ZBTB20: variants seen among roughly 807,000 people sequenced by gnomAD.
ZBTB20 encodes the protein zinc finger and BTB domain-containing protein 20.
ZBTB20 carries 9 observed loss-of-function variants against 56.9 expected under a neutral mutation model. The observed-to-expected ratio is 0.16, with a 90% confidence interval of 0.10 to 0.28. The LOEUF (loss-of-function observed/expected upper bound fraction) is 0.28, where lower values mean the gene tolerates loss of function less well. Among genes scored for constraint, ZBTB20 ranks in the 10% least tolerant of loss-of-function variants. ZBTB20 has a pLI of 1.00. For missense variants in ZBTB20, 655 were observed against 1,003.0 expected (o/e 0.65, Z 4.69); for synonymous variants, 417 against 420.7 (o/e 0.99, Z 0.11).
chr3:115,045,595 A>G (rs1216333649), intron 2 of ZBTB20, among the ~76,000 whole-genome samples: 1 of 152,086 alleles, frequency 6.6e-6, no homozygotes, highest in East Asian at 1.9e-4. Context: ...AAATGCAATC[A>G]ATCCAGTCAA....
intron 6 of ZBTB20, among the ~76,000 whole-genome samples, chr3:114,525,934 T>A (rs1310914462): frequency 2.6e-5 from 4 of 152,230 alleles, no homozygotes; most frequent in Non-Finnish European, 5.9e-5. Flanking sequence ...GCACTGCAAT[T>A]CCCACAGCTA....
At chr3:114,489,088 G>C (rs2042452459) in intron 7 of ZBTB20, among the ~76,000 whole-genome samples, 1 of 152,146 alleles carries the variant, frequency 6.6e-6, no homozygotes, top group Admixed American at 6.5e-5. Context: ...TGGGCTGTGA[G>C]ATTTCAAAGG....
At chr3:114,399,001 C>CA (rs1316821136) in intron 7 of ZBTB20, among the ~76,000 whole-genome samples, 1 of 152,104 alleles carries the variant, frequency 6.6e-6, no homozygotes, top group African/African-American at 2.4e-5. Context: ...CAACATACAA[C>CA]AGCGCAGGGC....
At chr3:115,107,457 T>C (rs529709345) in intron 1 of ZBTB20, among the ~76,000 whole-genome samples, 40 of 151,872 alleles carry the variant, frequency 2.6e-4, no homozygotes, top group Non-Finnish European at 4.7e-4. Context: ...AGTATTCATA[T>C]CTCACACCAG....
At chr3:114,633,291 G>A (rs889101416) in intron 6 of ZBTB20, among the ~76,000 whole-genome samples, 3 of 152,134 alleles carry the variant, frequency 2.0e-5, no homozygotes, top group African/African-American at 7.2e-5. Context: ...ATTGATGGAG[G>A]AGTCCCCAAG....
intron 2 of ZBTB20, among the ~76,000 whole-genome samples, chr3:115,011,976 T>C (rs1366574959): frequency 6.6e-6 from 1 of 151,858 alleles, no homozygotes; most frequent in Non-Finnish European, 1.5e-5. Flanking sequence ...ATGCAAACAG[T>C]GTTAAGTTGT....
intron 7 of ZBTB20, among the ~76,000 whole-genome samples, chr3:114,402,283 T>C (rs1014038816): frequency 6.6e-6 from 1 of 152,120 alleles, no homozygotes. Context: ...ATGGCTGTTC[T>C]CCCTCCAAAC....
At chr3:114,914,744 T>C (rs868579892) in intron 3 of ZBTB20, among the ~76,000 whole-genome samples, 1 of 151,680 alleles carries the variant, frequency 6.6e-6, no homozygotes, top group Non-Finnish European at 1.5e-5. Flanking sequence ...TACTTCGATA[T>C]CCAGTTTTTT....
chr3:115,054,452 A>G (rs1460081011), intron 2 of ZBTB20, among the ~76,000 whole-genome samples: 3 of 152,122 alleles, frequency 2.0e-5, no homozygotes, highest in Non-Finnish European at 2.9e-5. Context: ...GATTGTATGA[A>G]TTATCTCACA....
At chr3:114,397,741 C>T (rs142785163) in intron 7 of ZBTB20, among the ~76,000 whole-genome samples, 5 of 152,248 alleles carry the variant, frequency 3.3e-5, no homozygotes, top group South Asian at 4.1e-4. Flanking sequence ...TTTTCAAACT[C>T]GCAAGTGTAC....
intron 4 of ZBTB20, among the ~76,000 whole-genome samples, chr3:114,893,328 A>T (rs908073402): frequency 1.3e-5 from 2 of 152,206 alleles, no homozygotes; most frequent in Non-Finnish European, 1.5e-5. Flanking sequence ...CAATTTTTTA[A>T]AAGTACATAT....
At position 114,944,202 on chromosome 3, in the gene ZBTB20, T is replaced by A. The variant is rs2076813498; in HGVS notation, c.-456+30164A>T. Among the ~76,000 whole-genome samples, 2 of 145,042 alleles carry A rather than the reference T, an allele frequency of 1.4e-5. 1 individual carries two copies. The highest frequency in any genetic ancestry group is 5.7e-5 in the African/African-American group (2 of 35,386). ...AACACACATTTCTCAGAAGAAGACA[T>A]AAAAATGGTCAACAGATATATGAAA... On this transcript the variant is annotated intron_variant, in intron 3 of 11. Transcript: ENST00000675478.
rs2050806057 is a variant in ZBTB20 at position 114,553,366 on chromosome 3, G to A, written c.-294-52975C>T. Among the ~76,000 whole-genome samples the A allele has an allele frequency of 1.3e-5, 2 of 152,110 alleles. 1 individual carries two copies. The highest frequency in any genetic ancestry group is 4.1e-4 in the South Asian group (2 of 4,828). On this transcript the variant is annotated intron_variant, in intron 6 of 11. Transcript: ENST00000675478. ...AAGTATAATTTAACTTCCACTCCATGAACACTTAGCCTCTTCATACCATCC... is the reference window on the plus strand; with the variant it reads ...AAGTATAATTTAACTTCCACTCCATAAACACTTAGCCTCTTCATACCATCC...
intron 1 of ZBTB20, among the ~76,000 whole-genome samples, chr3:115,078,613 G>GTGTATATATATATATATATA (rs769630983): frequency 1.9e-4 from 26 of 137,814 alleles, no homozygotes; most frequent in African/African-American, 6.2e-4. Context: ...GTGTGTGTGT[G>GTGTATATATATATATATATA]TATATATATA....
rs1352234927 is a variant in ZBTB20 at position 115,049,021 on chromosome 3, T to C, written c.-507+22198A>G. Among the ~76,000 whole-genome samples the C allele has an allele frequency of 2.6e-5, 4 of 152,280 alleles. No individual in the cohort carries two copies. In the East Asian group the frequency reaches 5.8e-4, roughly 22 times the overall value. On this transcript the variant is annotated intron_variant, in intron 2 of 11. Coordinates refer to ENST00000675478, the MANE Select transcript of ZBTB20 (RefSeq NM_001348800.3). ...AAACCCATGAACGGGTCATATACTT[T>C]TTTTTTAATGCTAAACTTTTTAATA...
intron 2 of ZBTB20, among the ~76,000 whole-genome samples, chr3:115,019,084 G>A (rs964113898): frequency 1.3e-5 from 2 of 151,140 alleles, no homozygotes; most frequent in Non-Finnish European, 3.0e-5. Flanking sequence ...TCAGCAATTT[G>A]CTCAGTTATA....
chr3:115,107,676 A>C lies in ZBTB20; in HGVS notation c.-702-36262T>G, dbSNP rs550159227. On this transcript the variant is annotated intron_variant, in intron 1 of 11. Coordinates refer to ENST00000675478, the MANE Select transcript of ZBTB20 (RefSeq NM_001348800.3). ...CCAAAGGAATATAAATCATTCTACTATAAAGATACATGCACAGGTATGTTT... is the reference window on the plus strand; with the variant it reads ...CCAAAGGAATATAAATCATTCTACTCTAAAGATACATGCACAGGTATGTTT... Among the ~76,000 whole-genome samples, 3 of 152,350 alleles carry C rather than the reference A, an allele frequency of 2.0e-5. No homozygotes were observed. In the East Asian group the frequency reaches 5.8e-4, roughly 29 times the overall value.
chr3:114,571,792 C>T (rs551427863), intron 6 of ZBTB20, among the ~76,000 whole-genome samples: 1 of 152,276 alleles, frequency 6.6e-6, no homozygotes, highest in Admixed American at 6.5e-5. Flanking sequence ...ATTAGTATCT[C>T]TTGAGGTGGA....
At chr3:114,477,640 C>A (rs1056626247) in intron 7 of ZBTB20, among the ~76,000 whole-genome samples, 2 of 151,648 alleles carry the variant, frequency 1.3e-5, no homozygotes, top group Admixed American at 1.3e-4. Context: ...GGATTACAGG[C>A]GCCCAACACC....
Sources: allele counts gnomAD v4.1 joint callset (sites outside exome capture counted in the v4.1 genomes callset), GRCh38; gene constraint gnomAD v4.1.1; transcripts MANE v1.5; gene names NCBI Gene and HGNC (gene_info 2026-07-23, HGNC 2026-07-21).